FGF10: variants seen among roughly 807,000 people sequenced by gnomAD.
FGF10 encodes fibroblast growth factor 10, also known as FGF-10.
In FGF10, 2 loss-of-function variants were observed where a neutral mutation model predicts 19.8. The observed-to-expected ratio is 0.10, with a 90% CI of 0.04 to 0.32. The LOEUF (loss-of-function observed/expected upper bound fraction) is 0.32. Among genes scored for constraint, FGF10 ranks in the 10% least tolerant of loss-of-function variants. The probability of loss-of-function intolerance (pLI) is 1.00; values close to 1 mark genes in which losing one functional copy is unlikely to be tolerated. For missense variants in FGF10, 191 were observed against 246.3 expected (o/e 0.78, Z 1.50); for synonymous variants, 112 against 94.0 (o/e 1.19, Z -1.10).
Position 44,302,029 on chromosome 5 carries a change from G to A in FGF10, c.*2966C>T, listed in dbSNP as rs1348135288. ...GTGGCTGATGCACTTTAACTTTGTG[G>A]GCCTGGGACCATACTCCTACAGAGG... On this transcript the variant is annotated 3_prime_UTR_variant, in exon 3 of 3. Transcript: ENST00000264664. Among the ~76,000 whole-genome samples the A allele has an allele frequency of 6.6e-6, 1 of 151,788 alleles. No individual in the cohort carries two copies. Among genetic ancestry groups the A allele is most frequent in the Non-Finnish European group, 1.5e-5 (1 of 67,956 alleles).
Position 44,388,669 on chromosome 5 carries a change from A to G in FGF10, c.14T>C (p.Ile5Thr), listed in dbSNP as rs1441196548. The G allele has an allele frequency of 6.2e-7, 1 of 1,613,958 alleles. No individual in the cohort carries two copies. The highest frequency in any genetic ancestry group is 8.5e-7 in the Non-Finnish European group (1 of 1,180,020). ...AAAGGCTGAGGCACAATGTGTCAGT[A>G]TCCATTTCCACATTGTACTGAAACT... MWKW[I>T]LTHCASAFPH... The change falls in exon 1 of 3, where the codon ATA (isoleucine) becomes ACA (threonine). Residue 5 changes from isoleucine to threonine, a missense_variant. By Grantham distance (89) the Ile-to-Thr change is moderately conservative (BLOSUM62 -1). Transcript: ENST00000264664.
In FGF10 at chr5:44,366,362, T is replaced by C. The variant is rs577447664; in HGVS notation, c.325+21996A>G. On this transcript the variant is annotated intron_variant, in intron 1 of 2. Coordinates refer to ENST00000264664, the MANE Select transcript of FGF10 (RefSeq NM_004465.2). ...AAGGCATCCTGCATTTTCACAATTT[T>C]CACATATGTGACATCTGAAATAACT... Among the ~76,000 whole-genome samples the C allele has an allele frequency of 7.4e-4, 112 of 152,036 alleles. 2 individuals are homozygous for C. Among genetic ancestry groups the C allele is most frequent in the African/African-American group, 2.6e-3 (107 of 41,526 alleles).
intron 1 of FGF10, among the ~76,000 whole-genome samples, chr5:44,386,526 A>G (rs1053210260): frequency 6.6e-6 from 1 of 152,204 alleles, no homozygotes; most frequent in Non-Finnish European, 1.5e-5. Context: ...CACCACAACT[A>G]TTTTATTTTA....
chr5:44,316,332 A>G (rs1740349002), intron 1 of FGF10, among the ~76,000 whole-genome samples: 1 of 152,150 alleles, frequency 6.6e-6, no homozygotes, highest in Non-Finnish European at 1.5e-5. Context: ...AGAATCTCAG[A>G]GAGTGGGTGC....
rs17234415 is a variant in FGF10, at chr5:44,317,149, A to G, written c.326-6619T>C. 3.9e-5 allele frequency among the ~76,000 whole-genome samples: 6 copies of G among 152,314 alleles called. No individual in the cohort carries two copies. In the East Asian group the frequency reaches 9.7e-4, roughly 25 times the overall value. On this transcript the variant is annotated intron_variant, in intron 1 of 2. Transcript: ENST00000264664. ...GTAATCTATGTCTAGTCCACCTCCT[A>G]CCATTATACACTCTGGTTGCCTTTT...
intron 1 of FGF10, among the ~76,000 whole-genome samples, chr5:44,314,811 G>T (rs1289968844): frequency 6.6e-6 from 1 of 151,954 alleles, no homozygotes; most frequent in African/African-American, 2.4e-5. Context: ...CTTCTGTTTT[G>T]GTGCTATTAG....
chr5:44,328,650 T>C (rs553257958), intron 1 of FGF10, among the ~76,000 whole-genome samples: 9 of 152,238 alleles, frequency 5.9e-5, no homozygotes, highest in African/African-American at 1.7e-4. Flanking sequence ...TGGTCCCAGA[T>C]GCTCAGAAGG....
At chr5:44,339,136 ATCTG>A (rs1375563995) in intron 1 of FGF10, among the ~76,000 whole-genome samples, 1 of 152,202 alleles carries the variant, frequency 6.6e-6, no homozygotes, top group African/African-American at 2.4e-5. Context: ...AAAATATCTA[ATCTG>A]TCTTTAAATA....
At chr5:44,313,485 A>G (rs1254082299) in intron 1 of FGF10, among the ~76,000 whole-genome samples, 1 of 151,992 alleles carries the variant, frequency 6.6e-6, no homozygotes, top group Non-Finnish European at 1.5e-5. Context: ...CAGTTAAAAG[A>G]GCCTCCTGGA....
At chr5:44,328,002 T>G (rs1740650345) in intron 1 of FGF10, among the ~76,000 whole-genome samples, 2 of 152,224 alleles carry the variant, frequency 1.3e-5, no homozygotes, top group African/African-American at 4.8e-5. Context: ...TTTCCTTAGA[T>G]GTCTTCCCAC....
At position 44,388,872 on chromosome 5, in the gene FGF10, C is replaced by G; in HGVS notation, c.-190G>C. 1.5e-6 allele frequency: 1 copy of G among 662,982 alleles called. No individual in the cohort carries two copies. Among genetic ancestry groups the G allele is most frequent in the Non-Finnish European group, 2.7e-6 (1 of 365,160 alleles). 41.1% of individuals were successfully genotyped at this position (662,982 alleles called of 1,614,324 possible). The stretch of plus-strand genomic sequence containing the variant: ...CGGAAAAGCCGGCTGACTCCCCTCG[C>G]TCCTTTCTCGGATCCGCTGCCTACG... On this transcript the variant is annotated 5_prime_UTR_variant, in exon 1 of 3. Transcript: ENST00000264664.
In FGF10 at chr5:44,388,849, G is replaced by A; in HGVS notation, c.-167C>T. On this transcript the variant is annotated 5_prime_UTR_variant, in exon 1 of 3. Transcript: ENST00000264664. ...ATGCACCAACATCCATAACTCCTCGGAAAAGCCGGCTGACTCCCCTCGCTC... is the reference window on the plus strand; with the variant it reads ...ATGCACCAACATCCATAACTCCTCGAAAAAGCCGGCTGACTCCCCTCGCTC... The A allele has an allele frequency of 1.4e-6, 1 of 717,122 alleles. No individual in the cohort carries two copies. The highest frequency in any genetic ancestry group is 2.5e-6 in the Non-Finnish European group (1 of 399,930). 44.4% of individuals were successfully genotyped at this position (717,122 alleles called of 1,614,324 possible).
intron 1 of FGF10, among the ~76,000 whole-genome samples, chr5:44,357,810 A>G (rs867175726): frequency 1.3e-5 from 2 of 151,450 alleles, no homozygotes; most frequent in African/African-American, 4.8e-5. Flanking sequence ...ATAGCCAAAT[A>G]AGTGCTTTTT....
At position 44,349,486 on chromosome 5, in the gene FGF10, A is replaced by C. The variant is rs1396062173; in HGVS notation, c.325+38872T>G. Among the ~76,000 whole-genome samples the C allele has an allele frequency of 7.4e-3, 463 of 62,478 alleles. 26 individuals carry two copies. Among genetic ancestry groups the C allele is most frequent in the African/African-American group, 0.025 (423 of 16,746 alleles). 41.0% of individuals were successfully genotyped at this position (62,478 alleles called of 152,430 possible). A position where few individuals can be genotyped will look rare whatever the true frequency, so the allele number is the denominator to read the frequency against. On this transcript the variant is annotated intron_variant, in intron 1 of 2. Coordinates refer to ENST00000264664, the MANE Select transcript of FGF10 (RefSeq NM_004465.2). The stretch of plus-strand genomic sequence containing the variant: ...TATATATATCAGAATATATATATAT[A>C]TCAGAATATATATATATGTGTGTGT...
At chr5:44,381,396 G>T (rs2111919589) in intron 1 of FGF10, among the ~76,000 whole-genome samples, 1 of 152,196 alleles carries the variant, frequency 6.6e-6, no homozygotes, top group East Asian at 1.9e-4. Context: ...CACCTTGGGT[G>T]CCAAGTAATA....
chr5:44,306,364 T>G (rs1561195500), intron 2 of FGF10, among the ~76,000 whole-genome samples: 1 of 152,190 alleles, frequency 6.6e-6, no homozygotes, highest in Non-Finnish European at 1.5e-5. Context: ...TCCACTGCAC[T>G]GCAGCCTGGG....
chr5:44,321,731 A>G (rs1352357926), intron 1 of FGF10, among the ~76,000 whole-genome samples: 1 of 152,138 alleles, frequency 6.6e-6, no homozygotes, highest in Non-Finnish European at 1.5e-5. Flanking sequence ...CTGTTTGCAC[A>G]GTTCTGTGAG....
Position 44,372,616 on chromosome 5 carries a change from G to A in FGF10, c.325+15742C>T, listed in dbSNP as rs866135381. On this transcript the variant is annotated intron_variant, in intron 1 of 2. Transcript: ENST00000264664. ...TCTCAAATTGTGTAATGTAAATAAT[G>A]GAATTCAGATATGGATAAGACTCTG... Among the ~76,000 whole-genome samples the A allele has an allele frequency of 7.6e-4, 116 of 152,178 alleles. 2 individuals are homozygous for A. Among genetic ancestry groups the A allele is most frequent in the African/African-American group, 2.7e-3 (110 of 41,506 alleles).
At chr5:44,338,207 CAT>C (rs1043523644) in intron 1 of FGF10, among the ~76,000 whole-genome samples, 16 of 152,030 alleles carry the variant, frequency 1.1e-4, no homozygotes, top group African/African-American at 3.6e-4. Flanking sequence ...TTAAATAACA[CAT>C]ATAGTTTTTA....
Sources: allele counts gnomAD v4.1 joint callset (sites outside exome capture counted in the v4.1 genomes callset), GRCh38; gene constraint gnomAD v4.1.1; transcripts MANE v1.5; gene names NCBI Gene and HGNC (gene_info 2026-07-23, HGNC 2026-07-21).